EYS: variants seen among roughly 807,000 people sequenced by gnomAD.
EYS encodes protein eyes shut homolog.
Under a neutral mutation model 282.1 loss-of-function variants are expected in EYS, and 250 were observed. The ratio of observed to expected loss-of-function variants is 0.89; its 90% CI spans 0.80 to 0.98. The LOEUF (loss-of-function observed/expected upper bound fraction) is 0.98, where lower values mean the gene tolerates loss of function less well. Ranked by LOEUF, EYS falls within the 50% of genes least tolerant of loss-of-function variation. The pLI, the probability that EYS is intolerant of heterozygous loss-of-function variation, is 0.00. For synonymous variants in EYS, 1,355 were observed against 1,282.9 expected (o/e 1.06, Z -1.20); for missense variants, 4,016 against 3,709.0 (o/e 1.08, Z -2.15).
intron 27 of EYS, 71 bp from the exon 28 acceptor site, chr6:64,436,336 A>C: frequency 1.3e-6 from 1 of 755,088 alleles, no homozygotes; most frequent in Non-Finnish European, 2.2e-6. Context: ...TTTGCACTGG[A>C]CTTTATTATT....
At chr6:64,346,027 G>A (rs1421293617) in intron 29 of EYS, among the ~76,000 whole-genome samples, 1 of 152,060 alleles carries the variant, frequency 6.6e-6, no homozygotes, top group African/African-American at 2.4e-5. Flanking sequence ...GGTTAGAATG[G>A]TGATCATTAA....
intron 11 of EYS, among the ~76,000 whole-genome samples, chr6:65,312,032 A>G (rs1298838714): frequency 1.3e-5 from 2 of 151,946 alleles, no homozygotes; most frequent in African/African-American, 4.8e-5. Flanking sequence ...ATAGCCAGTG[A>G]CATAATTCCT....
At chr6:64,044,177 A>G (rs1770518278) in intron 33 of EYS, among the ~76,000 whole-genome samples, 1 of 152,192 alleles carries the variant, frequency 6.6e-6, no homozygotes, top group Admixed American at 6.5e-5. Flanking sequence ...TCCTTTTTAA[A>G]ACAGTTTATT....
intron 12 of EYS, among the ~76,000 whole-genome samples, chr6:65,106,873 C>T (rs1398548288): frequency 6.6e-6 from 1 of 151,924 alleles, no homozygotes; most frequent in African/African-American, 2.4e-5. Flanking sequence ...TGAAATGTTA[C>T]ACATCATGCA....
At chr6:64,572,669 C>T (rs1177873805) in intron 26 of EYS, among the ~76,000 whole-genome samples, 2 of 152,106 alleles carry the variant, frequency 1.3e-5, no homozygotes, top group African/African-American at 4.8e-5. Context: ...CTCCCATTCA[C>T]AATTGCTACA....
At chr6:65,469,407 TA>T (rs1258583946) in intron 5 of EYS, among the ~76,000 whole-genome samples, 1 of 152,108 alleles carries the variant, frequency 6.6e-6, no homozygotes, top group African/African-American at 2.4e-5. Flanking sequence ...TTCAGTCTGG[TA>T]AATATACATA....
chr6:64,378,940 T>A (rs912107851), intron 29 of EYS, among the ~76,000 whole-genome samples: 2 of 152,222 alleles, frequency 1.3e-5, no homozygotes, highest in Admixed American at 6.5e-5. Flanking sequence ...GCTAGTTTTG[T>A]CATATCATGC....
intron 5 of EYS, among the ~76,000 whole-genome samples, chr6:65,421,431 ATGT>A (rs1386943955): frequency 2.6e-5 from 4 of 151,820 alleles, no homozygotes; most frequent in Non-Finnish European, 5.9e-5. Context: ...GCTTGAGGAA[ATGT>A]TGTGGCTGGT....
chr6:63,810,079 TA>T (rs59987621), intron 36 of EYS, among the ~76,000 whole-genome samples: 12,035 of 136,188 alleles, frequency 0.088, 519 homozygotes, highest in East Asian at 0.17. Flanking sequence ...GCCTCTACTT[TA>T]AAAAAAAAAA....
At chr6:65,089,485 T>G (rs1309805075) in intron 12 of EYS, among the ~76,000 whole-genome samples, 1 of 152,174 alleles carries the variant, frequency 6.6e-6, no homozygotes, top group Non-Finnish European at 1.5e-5. Flanking sequence ...CCCTTTGTTT[T>G]GGCCAATTTC....
At chr6:65,677,173 C>T (rs1422172920) in intron 1 of EYS, among the ~76,000 whole-genome samples, 1 of 146,532 alleles carries the variant, frequency 6.8e-6, no homozygotes, top group Non-Finnish European at 1.5e-5. Context: ...CAAGAATGTG[C>T]ACTCTTATCA....
At chr6:64,409,105 GT>G (rs752027344) in intron 28 of EYS, among the ~76,000 whole-genome samples, 5 of 152,084 alleles carry the variant, frequency 3.3e-5, no homozygotes, top group Middle Eastern at 3.2e-3. Context: ...CTGCATCTAT[GT>G]TACTGAAAAG....
chr6:65,432,822 T>C (rs1767935829), intron 5 of EYS, among the ~76,000 whole-genome samples: 1 of 152,066 alleles, frequency 6.6e-6, no homozygotes, highest in Non-Finnish European at 1.5e-5. Context: ...GGGTGAGAAG[T>C]GGTCAGATTT....
intron 2 of EYS, among the ~76,000 whole-genome samples, chr6:65,498,816 G>T (rs1177725963): frequency 6.6e-6 from 1 of 151,974 alleles, no homozygotes; most frequent in Admixed American, 6.6e-5. Flanking sequence ...ATGATGTTAT[G>T]TGTCTCAGTT....
At chr6:64,843,977 T>C (rs1465312365) in intron 19 of EYS, among the ~76,000 whole-genome samples, 2 of 152,102 alleles carry the variant, frequency 1.3e-5, no homozygotes, top group Non-Finnish European at 1.5e-5. Context: ...AGTGAATACA[T>C]CTCACAAGAT....
At chr6:64,672,305 C>T (rs373120895) in intron 22 of EYS, among the ~76,000 whole-genome samples, 15 of 152,172 alleles carry the variant, frequency 9.9e-5, no homozygotes, top group Non-Finnish European at 1.0e-4. Flanking sequence ...TAGCCTATCA[C>T]GGAAAAACAC....
At chr6:64,171,453 C>G (rs1314113503) in intron 31 of EYS, among the ~76,000 whole-genome samples, 1 of 152,022 alleles carries the variant, frequency 6.6e-6, no homozygotes, top group Non-Finnish European at 1.5e-5. Flanking sequence ...TGTATAAATA[C>G]ATTTCAATTA....
At chr6:64,318,149 T>C (rs1770053106) in intron 29 of EYS, among the ~76,000 whole-genome samples, 1 of 152,118 alleles carries the variant, frequency 6.6e-6, no homozygotes, top group African/African-American at 2.4e-5. Flanking sequence ...GCTTGTTCTG[T>C]ACATTACTCC....
At chr6:64,866,959 A>C (rs1033322208) in intron 19 of EYS, among the ~76,000 whole-genome samples, 54 of 151,962 alleles carry the variant, frequency 3.6e-4, no homozygotes, top group African/African-American at 1.2e-3. Flanking sequence ...CATATTCCAA[A>C]AATGTATACA....
Sources: gnomAD v4.1 joint callset for allele counts (sites outside exome capture counted in the v4.1 genomes callset) on GRCh38, gnomAD v4.1.1 for gene constraint, MANE v1.5 for transcripts, NCBI Gene and HGNC (gene_info 2026-07-23, HGNC 2026-07-21) for gene names.